SNX29: variants seen among roughly 807,000 people sequenced by gnomAD.
SNX29 encodes sorting nexin 29, also known as sorting nexin-29.
A neutral mutation model predicts 102.1 loss-of-function variants in SNX29; 78 were observed. The ratio of observed to expected loss-of-function variants is 0.76; its 90% confidence interval spans 0.64 to 0.92. The LOEUF (loss-of-function observed/expected upper bound fraction) is 0.92. SNX29 is among the 40% of genes least tolerant of loss of function. The probability of loss-of-function intolerance (pLI) is 0.00; values close to 1 mark genes in which losing one functional copy is unlikely to be tolerated. For synonymous variants in SNX29, 580 were observed against 414.5 expected (o/e 1.40, Z -4.85); for missense variants, 1,280 against 1,061.7 (o/e 1.21, Z -2.86).
At chr16:12,160,153 G>A (rs2055722452) in intron 13 of SNX29, among the ~76,000 whole-genome samples, 1 of 152,204 alleles carries the variant, frequency 6.6e-6, no homozygotes, top group Non-Finnish European at 1.5e-5. Flanking sequence ...TGCTGGTGAG[G>A]CCTGGGTGGT....
At chr16:12,364,202 T>TGTTATGTTATGTTAC in intron 16 of SNX29, among the ~76,000 whole-genome samples, 1 of 151,262 alleles carries the variant, frequency 6.6e-6, no homozygotes, top group South Asian at 2.1e-4. Flanking sequence ...TGTTATGTTA[T>TGTTATGTTATGTTAC]GTTATGTTAT....
chr16:12,345,225 CCTT>C (rs1187521433), intron 15 of SNX29, among the ~76,000 whole-genome samples: 2 of 152,334 alleles, frequency 1.3e-5, no homozygotes, highest in South Asian at 2.1e-4. Flanking sequence ...GCATGCTACA[CCTT>C]CTTCTGGGGG....
chr16:12,557,865 A>G (rs1368234698), intron 20 of SNX29, among the ~76,000 whole-genome samples: 1 of 152,196 alleles, frequency 6.6e-6, no homozygotes, highest in African/African-American at 2.4e-5. Context: ...TAGCCATTCC[A>G]GCGAGTGGAG....
chr16:12,142,773 G>C (rs1369211811), intron 13 of SNX29, among the ~76,000 whole-genome samples: 1 of 151,848 alleles, frequency 6.6e-6, no homozygotes, highest in African/African-American at 2.4e-5. Context: ...ATGTTGACCA[G>C]GCTGATCTCA....
At chr16:12,502,372 A>C (rs757367137) in intron 19 of SNX29, among the ~76,000 whole-genome samples, 23 of 152,108 alleles carry the variant, frequency 1.5e-4, no homozygotes, top group Admixed American at 8.5e-4. Flanking sequence ...GTGAGGATTG[A>C]GTGATTCGGG....
chr16:12,526,458 C>T (rs2141142940), intron 20 of SNX29: 1 of 464,288 alleles, frequency 2.2e-6, no homozygotes, highest in Non-Finnish European at 4.2e-6. Flanking sequence ...TAGTATCCTG[C>T]TGCCTGTGAT....
chr16:12,101,374 A>AC (rs2053009246), intron 11 of SNX29, among the ~76,000 whole-genome samples: 1 of 134,730 alleles, frequency 7.4e-6, no homozygotes, highest in Non-Finnish European at 1.6e-5. Context: ...TAAATGGTTG[A>AC]CCCCCAATTT....
rs921725111 is a variant in SNX29 at position 12,350,384 on chromosome 16, G to C, written c.1783-5779G>C. 3.3e-5 allele frequency among the ~76,000 whole-genome samples: 5 copies of C among 152,172 alleles called. No homozygotes were observed. The East Asian group carries it at 9.6e-4, about 29-fold the overall frequency. On this transcript the variant is annotated intron_variant, in intron 15 of 20. Transcript: ENST00000566228. ...GTAAGTAATTTAGAGATGATTTAGA[G>C]TATACAGGAGGAGGTGTGTAGGTTC...
At chr16:12,408,198 C>T (rs1219375668) in intron 18 of SNX29, among the ~76,000 whole-genome samples, 3 of 150,714 alleles carry the variant, frequency 2.0e-5, no homozygotes, top group Non-Finnish European at 4.4e-5. Context: ...CTAGAAGCAG[C>T]TGGGACAGTC....
intron 20 of SNX29, among the ~76,000 whole-genome samples, chr16:12,558,325 CAACAAAGA>C (rs2078501464): frequency 6.6e-6 from 1 of 151,012 alleles, no homozygotes; most frequent in African/African-American, 2.4e-5. Context: ...AAGTGGCTAT[CAACAAAGA>C]GACAAAGAGG....
intron 18 of SNX29, among the ~76,000 whole-genome samples, chr16:12,477,369 G>T (rs576774858): frequency 1.3e-5 from 2 of 152,336 alleles, no homozygotes; most frequent in Admixed American, 1.3e-4. Flanking sequence ...TGTCCAGAAA[G>T]GTTGACTAGC....
intron 19 of SNX29, among the ~76,000 whole-genome samples, chr16:12,514,994 A>G (rs913571752): frequency 6.6e-6 from 1 of 152,210 alleles, no homozygotes; most frequent in Admixed American, 6.5e-5. Flanking sequence ...AATAAATGAA[A>G]TGATGCTTAA....
At chr16:12,524,197 A>AG (rs2090208126) in intron 19 of SNX29, among the ~76,000 whole-genome samples, 1 of 152,128 alleles carries the variant, frequency 6.6e-6, no homozygotes, top group African/African-American at 2.4e-5. Context: ...TTATTAATAA[A>AG]ACCTCTTTCT....
chr16:12,376,493 T>G (rs145078331), intron 16 of SNX29, among the ~76,000 whole-genome samples: 98 of 152,100 alleles, frequency 6.4e-4, no homozygotes, highest in African/African-American at 2.2e-3. Context: ...CTCAACACTT[T>G]GGGAGGCCGA....
At chr16:12,315,535 G>A (rs209851) in intron 15 of SNX29, among the ~76,000 whole-genome samples, 94,694 of 152,006 alleles carry the variant, frequency 0.62, 31,259 homozygotes, top group African/African-American at 0.84. Context: ...CATTAAGGAG[G>A]TAATTAAGAT....
chr16:12,451,747 C>T (rs1045006782), intron 18 of SNX29, among the ~76,000 whole-genome samples: 23 of 152,126 alleles, frequency 1.5e-4, no homozygotes, highest in Non-Finnish European at 2.5e-4. Context: ...ACCTGTAGTC[C>T]CAGCTACTAG....
Position 12,217,019 on chromosome 16 carries a change from C to G in SNX29, c.1678+17336C>G, listed in dbSNP as rs557365432. Among the ~76,000 whole-genome samples the G allele has an allele frequency of 1.1e-3, 164 of 152,236 alleles. 1 individual carries two copies. The highest frequency in any genetic ancestry group is 3.8e-3 in the African/African-American group (159 of 41,546). On this transcript the variant is annotated intron_variant, in intron 14 of 20. Coordinates refer to ENST00000566228, the MANE Select transcript of SNX29 (RefSeq NM_032167.5). Reference sequence around the variant, plus strand: ...CAAAAAGAATGGGTATTAGGGGACACCTGCTGGGTTTCTTTTGTTTTTGTT... The same window carrying G: ...CAAAAAGAATGGGTATTAGGGGACAGCTGCTGGGTTTCTTTTGTTTTTGTT...
rs553217396 is a variant in SNX29, at chr16:12,572,065, G to A, written c.*3436G>A. 2 of 1,063,410 alleles carry A rather than the reference G, an allele frequency of 1.9e-6. No individual in the cohort carries two copies. Among genetic ancestry groups the A allele is most frequent in the African/African-American group, 3.3e-5 (2 of 60,968 alleles). The allele number at this position is 1,063,410 out of a possible 1,614,324, so 65.9% of individuals were successfully genotyped here. Reference sequence around the variant, plus strand: ...GAGTTGTAAACAAGGGAACCATCTTGCAAGATCTAGGAAGAGGAAGGGGAG... The same window carrying A: ...GAGTTGTAAACAAGGGAACCATCTTACAAGATCTAGGAAGAGGAAGGGGAG... On this transcript the variant is annotated 3_prime_UTR_variant, in exon 21 of 21. Transcript: ENST00000566228.
At chr16:12,535,584 C>T (rs961885803) in intron 20 of SNX29, among the ~76,000 whole-genome samples, 9 of 152,104 alleles carry the variant, frequency 5.9e-5, no homozygotes, top group Non-Finnish European at 1.0e-4. Context: ...TGGGTATGCA[C>T]GATTGGCAAG....
Sources: gnomAD v4.1 joint callset for allele counts (sites outside exome capture counted in the v4.1 genomes callset) on GRCh38, gnomAD v4.1.1 for gene constraint, MANE v1.5 for transcripts, NCBI Gene and HGNC (gene_info 2026-07-23, HGNC 2026-07-21) for gene names.